FRMD6: variants seen among roughly 807,000 people sequenced by gnomAD.
The protein encoded by FRMD6 is FERM domain containing 6.
FRMD6 carries 37 observed loss-of-function variants against 73.2 expected under a neutral mutation model. The observed-to-expected ratio is 0.51, with a 90% CI of 0.39 to 0.66. The LOEUF (loss-of-function observed/expected upper bound fraction) is 0.66. Ranked by LOEUF, FRMD6 falls within the 30% of genes least tolerant of loss-of-function variation. FRMD6 has a pLI of 0.00. For synonymous variants in FRMD6, 273 were observed against 282.2 expected (o/e 0.97, Z 0.33); for missense variants, 714 against 780.5 (o/e 0.91, Z 1.02).
intron 2 of FRMD6, among the ~76,000 whole-genome samples, chr14:51,630,522 A>AG (rs1891294177): frequency 6.6e-6 from 1 of 152,198 alleles, no homozygotes; most frequent in African/African-American, 2.4e-5. Context: ...AGCCAAAGTC[A>AG]GGGGACTGCT....
At chr14:51,566,265 C>T (rs553357675) in intron 1 of FRMD6, among the ~76,000 whole-genome samples, 76 of 152,270 alleles carry the variant, frequency 5.0e-4, no homozygotes, top group African/African-American at 1.7e-3. Context: ...CATTCCAAAT[C>T]GAACACACGC....
the FRMD6 span, among the ~76,000 whole-genome samples, chr14:51,458,073 T>C: frequency 6.6e-6 from 1 of 152,230 alleles, no homozygotes; most frequent in Non-Finnish European, 1.5e-5. Context: ...AAAAGCAGAC[T>C]TGCATTCCAT....
At chr14:51,535,616 C>A (rs2140348879) in intron 1 of FRMD6, among the ~76,000 whole-genome samples, 1 of 152,326 alleles carries the variant, frequency 6.6e-6, no homozygotes, top group Middle Eastern at 3.4e-3. Context: ...TTTTGTTGAT[C>A]CATTCACCAG....
the FRMD6 span, among the ~76,000 whole-genome samples, chr14:51,419,228 G>T: frequency 6.6e-5 from 10 of 152,324 alleles, no homozygotes; most frequent in Non-Finnish European, 1.3e-4. Flanking sequence ...AGGTACCTCA[G>T]TTGGAAATGC....
rs138720933 is a variant in FRMD6, at chr14:51,701,033, G to A, written c.191-23G>A. On this transcript the variant is annotated intron_variant, in intron 3 of 13. Transcript: ENST00000344768. ...TTAAAAATCCTTTCTTTAGCATGTC[G>A]TCTCCTTTTTTTTAATGTACAGATA... The A allele has an allele frequency of 4.0e-4, 467 of 1,157,146 alleles. 1 individual carries two copies. In the African/African-American group the frequency reaches 5.1e-3, roughly 13 times the overall value. 71.7% of individuals were successfully genotyped at this position (1,157,146 alleles called of 1,614,324 possible). A position where few individuals can be genotyped will look rare whatever the true frequency, so the allele number is the denominator to read the frequency against.
chr14:51,729,592 T>TA lies in FRMD6; in HGVS notation c.*1570dup, dbSNP rs878903573. 5 of 152,632 alleles carry TA rather than the reference T, an allele frequency of 3.3e-5. No individual in the cohort carries two copies. Among genetic ancestry groups the TA allele is most frequent in the Admixed American group, 6.5e-5 (1 of 15,290 alleles). 9.5% of individuals were successfully genotyped at this position (152,632 alleles called of 1,614,324 possible). ...TTTTTTTCTATCTGCCCAGTTTTAT[T>TA]AAAAAAACTATATATTATTTTCTAA... On this transcript the variant is annotated 3_prime_UTR_variant, in exon 14 of 14. Coordinates refer to ENST00000344768, the MANE Select transcript of FRMD6 (RefSeq NM_001267046.2).
chr14:51,684,736 A>T (rs972089422), intron 1 of FRMD6, among the ~76,000 whole-genome samples: 1 of 152,146 alleles, frequency 6.6e-6, no homozygotes, highest in African/African-American at 2.4e-5. Flanking sequence ...CACCAAAAAG[A>T]ATATTTGGCC....
chr14:51,452,287 A>G, the FRMD6 span, among the ~76,000 whole-genome samples: 2 of 152,344 alleles, frequency 1.3e-5, no homozygotes, highest in South Asian at 2.1e-4. Context: ...TCTAGGCCCA[A>G]TGATGAGTGG....
At chr14:51,611,553 C>A (rs1032844281) in intron 2 of FRMD6, among the ~76,000 whole-genome samples, 2 of 152,150 alleles carry the variant, frequency 1.3e-5, no homozygotes, top group Non-Finnish European at 2.9e-5. Flanking sequence ...TGTTTTTTCT[C>A]ATTTTCTCTT....
chr14:51,536,552 G>A (rs1885902953), intron 1 of FRMD6, among the ~76,000 whole-genome samples: 1 of 151,996 alleles, frequency 6.6e-6, no homozygotes, highest in Non-Finnish European at 1.5e-5. Flanking sequence ...CCAGTAGCTG[G>A]GATTACAGGT....
chr14:51,484,792 C>T (rs1882731036), upstream of FRMD6, among the ~76,000 whole-genome samples: 1 of 152,218 alleles, frequency 6.6e-6, no homozygotes, highest in Non-Finnish European at 1.5e-5. Flanking sequence ...GCCAGTTTCT[C>T]ATATTCACAT....
Position 51,698,233 on chromosome 14 carries a change from G to GT in FRMD6, c.190+2dup. On this transcript the variant is annotated splice_donor_variant, in intron 3 of 13. Transcript: ENST00000344768. LOFTEE classifies it high-confidence loss of function. ...CTCTTTGGACTCAGTGTTATACAAA[G>GT]TAAGTCTTAGAGCCCTCTCTGATGG... 6.2e-7 allele frequency: 1 copy of GT among 1,605,774 alleles called. No homozygotes were observed. The highest frequency in any genetic ancestry group is 8.5e-7 in the Non-Finnish European group (1 of 1,173,984).
chr14:51,507,280 C>A (rs1884024549), intron 1 of FRMD6, among the ~76,000 whole-genome samples: 1 of 152,184 alleles, frequency 6.6e-6, no homozygotes, highest in African/African-American at 2.4e-5. Flanking sequence ...GCAGAGTCCT[C>A]ACAACCCAGG....
chr14:51,540,906 G>A (rs762276101), intron 1 of FRMD6, among the ~76,000 whole-genome samples: 1 of 152,060 alleles, frequency 6.6e-6, no homozygotes, highest in Non-Finnish European at 1.5e-5. Context: ...GAATGGAAAA[G>A]GAAGTTTATG....
the FRMD6 span, among the ~76,000 whole-genome samples, chr14:51,449,091 G>A: frequency 6.6e-6 from 1 of 152,178 alleles, no homozygotes; most frequent in Non-Finnish European, 1.5e-5. Context: ...CTCTGCTGTT[G>A]TTACAGAGCA....
At chr14:51,547,968 A>G (rs1476895313) in intron 1 of FRMD6, 2 of 152,186 alleles carry the variant, frequency 1.3e-5, no homozygotes, top group Admixed American at 6.5e-5. Context: ...ACAGTATCAT[A>G]TAACATTCAT....
intron 1 of FRMD6, among the ~76,000 whole-genome samples, chr14:51,567,902 T>A (rs1887865945): frequency 6.6e-6 from 1 of 152,256 alleles, no homozygotes; most frequent in South Asian, 2.1e-4. Context: ...TGTTTGCAGT[T>A]GGTATTTTTC....
chr14:51,640,053 T>C (rs1391743863), intron 2 of FRMD6, among the ~76,000 whole-genome samples: 1 of 152,222 alleles, frequency 6.6e-6, no homozygotes, highest in Non-Finnish European at 1.5e-5. Flanking sequence ...TAGGTTCCAG[T>C]GCTTTCTTTA....
At chr14:51,422,647 A>G in the FRMD6 span, among the ~76,000 whole-genome samples, 4 of 152,230 alleles carry the variant, frequency 2.6e-5, no homozygotes, top group Non-Finnish European at 5.9e-5. Flanking sequence ...TAAGGTTTTA[A>G]AAAAATTTAT....
Sources: gnomAD v4.1 joint callset for allele counts (sites outside exome capture counted in the v4.1 genomes callset) on GRCh38, gnomAD v4.1.1 for gene constraint, MANE v1.5 for transcripts, NCBI Gene and HGNC (gene_info 2026-07-23, HGNC 2026-07-21) for gene names.